Variants in ATAD3A observed in about 807,000 individuals in gnomAD.
ATAD3A encodes ATPase family AAA domain containing 3A, also known as ATPase family AAA domain-containing protein 3A.
Under a neutral mutation model 73.8 loss-of-function variants are expected in ATAD3A, and 46 were observed. The ratio of observed to expected loss-of-function variants is 0.62; its 90% CI spans 0.49 to 0.80. The LOEUF is 0.80. Among genes scored for constraint, ATAD3A ranks in the 30% least tolerant of loss-of-function variants. The pLI, the probability that ATAD3A is intolerant of heterozygous loss-of-function variation, is 0.00. For synonymous variants in ATAD3A, 319 were observed against 350.0 expected (o/e 0.91, Z 0.99); for missense variants, 705 against 838.0 (o/e 0.84, Z 1.96).
In ATAD3A at chr1:1,534,108, C is replaced by A. The variant is rs377549055; in HGVS notation, c.*36C>A. 7.5e-5 allele frequency: 121 copies of A among 1,613,094 alleles called. No homozygotes were observed. Among genetic ancestry groups the A allele is most frequent in the Non-Finnish European group, 9.1e-5 (107 of 1,179,756 alleles). ...AGATCCACAGCTCACGGAGCCTGGC[C>A]GCGGACCCCTCCCACCCCTGCCTTG... On this transcript the variant is annotated 3_prime_UTR_variant, in exon 16 of 16. Transcript: ENST00000378756.
chr1:1,518,686 CACA>C (rs1332322607), intron 4 of ATAD3A, among the ~76,000 whole-genome samples: 858 of 119,284 alleles, frequency 7.2e-3, no homozygotes, highest in East Asian at 0.018. Flanking sequence ...CACACACACA[CACA>C]CCCAAACGGG....
rs1480452066 is a variant in ATAD3A at position 1,523,931 on chromosome 1, G to A, written c.1056G>A (p.Gly352=). The change falls in exon 10 of 16, where the codon GGG becomes GGA. Residue 352 remains glycine (G), a synonymous_variant. Transcript: ENST00000378756. The surrounding 1 kb of genome is among the most constrained non-coding windows in gnomAD (Gnocchi z 5.1). ...TGTACAGGAACATCCTGATGTACGG[G>A]CCACCAGGCACCGGGAAGACGCTGT... ...RSLYRNILMY[G]PPGTGKTLFA... 2 of 1,614,036 alleles carry A rather than the reference G, an allele frequency of 1.2e-6. No homozygotes were observed. The highest frequency in any genetic ancestry group is 2.2e-5 in the South Asian group (2 of 91,088).
At chr1:1,528,613 G>T (rs1641929327) in intron 14 of ATAD3A, among the ~76,000 whole-genome samples, 2 of 152,258 alleles carry the variant, frequency 1.3e-5, no homozygotes, top group Admixed American at 1.3e-4. Context: ...CAGGTGATGA[G>T]GGGCCCTGGC....
chr1:1,530,313 T>G (rs1324892766), intron 15 of ATAD3A, among the ~76,000 whole-genome samples: 5 of 151,516 alleles, frequency 3.3e-5, no homozygotes, highest in Non-Finnish European at 4.4e-5. Context: ...CAAGTTAGAT[T>G]ATTTGAAGCC....
At chr1:1,515,787 A>G (rs1307025947) in intron 1 of ATAD3A, among the ~76,000 whole-genome samples, 1 of 152,216 alleles carries the variant, frequency 6.6e-6, no homozygotes, top group African/African-American at 2.4e-5. Context: ...GCTCTCCAAG[A>G]CCATCCCTGG....
Position 1,523,101 on chromosome 1 carries a change from C to T in ATAD3A, c.906+202C>T, listed in dbSNP as rs776500004. 2.2e-4 allele frequency among the ~76,000 whole-genome samples: 33 copies of T among 151,876 alleles called. No homozygotes were observed. Among genetic ancestry groups the T allele is most frequent in the South Asian group, 4.1e-4 (2 of 4,824 alleles). On this transcript the variant is annotated intron_variant, in intron 8 of 15. Transcript: ENST00000378756. This position sits in a 1 kb window ranked among gnomAD's most constrained non-coding sequence, Gnocchi z 5.1. Reference sequence around the variant, plus strand: ...AGTGAGACCCTTCCCCTGTCTGCCTCGGTGTCCCCTGCTCAGGGCTCTTGA... The same window carrying T: ...AGTGAGACCCTTCCCCTGTCTGCCTTGGTGTCCCCTGCTCAGGGCTCTTGA...
rs1482384578 is a variant in ATAD3A, at chr1:1,529,291, T to C, written c.1574T>C (p.Met525Thr). 1.2e-6 allele frequency: 2 copies of C among 1,606,258 alleles called. No individual in the cohort carries two copies. The highest frequency in any genetic ancestry group is 1.1e-5 in the South Asian group (1 of 89,862). Residue 525 changes from methionine (M) to threonine (T), a missense_variant, in exon 15 of 16, where the codon ATG (methionine) becomes ACG (threonine). This residue lies in a region of ATAD3A where 252 missense variants were observed against 278.5 expected (regional missense o/e 0.90). Transcript: ENST00000378756. Reference protein sequence around the residue: ...CSEVARLTEGMSGREIAQLAV... With the variant: ...CSEVARLTEGTSGREIAQLAV... ...GAGGTCGCTCGGCTGACGGAGGGCA[T>C]GTCGGGCCGGGAGATCGCTCAGCTG...
rs1437924357 is a variant in ATAD3A, at chr1:1,526,955, G to T, written c.1337+424G>T. 2.0e-5 allele frequency among the ~76,000 whole-genome samples: 3 copies of T among 152,262 alleles called. No individual in the cohort carries two copies. The East Asian group carries it at 5.8e-4, about 29-fold the overall frequency. ...AGTTGGACACCAGCAGGTCCTGTGT[G>T]TCGGGGCGGAACCTGGGACCTTGGT... On this transcript the variant is annotated intron_variant, in intron 13 of 15. Coordinates refer to ENST00000378756, the MANE Select transcript of ATAD3A (RefSeq NM_001170535.3).
rs369824674 is a variant in ATAD3A at position 1,515,222 on chromosome 1, G to A, written c.206-790G>A. Reference sequence around the variant, plus strand: ...CCTCAGAGTAGCTGGGATTACAGGCGTCCGCCACTGCGCCCAGCTAATTTT... The same window carrying A: ...CCTCAGAGTAGCTGGGATTACAGGCATCCGCCACTGCGCCCAGCTAATTTT... On this transcript the variant is annotated intron_variant, in intron 1 of 15. Transcript: ENST00000378756. Among the ~76,000 whole-genome samples, 6 of 152,088 alleles carry A rather than the reference G, an allele frequency of 3.9e-5. No homozygotes were observed. In the East Asian group the frequency reaches 9.6e-4, roughly 24 times the overall value.
chr1:1,533,854 C>T (rs535064633), intron 15 of ATAD3A, 72 bp from the exon 16 acceptor site: 41 of 1,547,836 alleles, frequency 2.6e-5, no homozygotes, highest in Middle Eastern at 2.1e-4. Context: ...CTCCCCACCT[C>T]GGGGCCCTGG....
chr1:1,519,181 C>T (rs2100654933), intron 5 of ATAD3A, among the ~76,000 whole-genome samples, 191 bp downstream of exon 5: 1 of 150,912 alleles, frequency 6.6e-6, no homozygotes, highest in African/African-American at 2.4e-5. Context: ...ACGCCAGGAT[C>T]TGTTCAGGGA....
chr1:1,514,424 C>T (rs1221264447), intron 1 of ATAD3A, among the ~76,000 whole-genome samples: 1 of 152,236 alleles, frequency 6.6e-6, no homozygotes, highest in African/African-American at 2.4e-5. Context: ...CAGCCCTTGG[C>T]TTCCCGAGCT....
intron 15 of ATAD3A, among the ~76,000 whole-genome samples, chr1:1,531,903 G>A (rs561084041): frequency 6.6e-6 from 1 of 151,380 alleles, no homozygotes; most frequent in East Asian, 2.0e-4. Flanking sequence ...TGCCCCCTTT[G>A]TCCTCCCAAA....
chr1:1,512,597 G>A (rs1452631419), intron 1 of ATAD3A, 124 bp downstream of exon 1: 3 of 1,407,348 alleles, frequency 2.1e-6, no homozygotes, highest in Non-Finnish European at 2.8e-6. Context: ...CTGCGCCCCC[G>A]GAGCACCCCC....
chr1:1,530,880 G>A lies in ATAD3A; in HGVS notation c.1614+1549G>A, dbSNP rs115729963. ...ACTAAGAATAATTTGGAACGAGTGC[G>A]GTGGCTCACTCCTGTAATCCCAGCA... On this transcript the variant is annotated intron_variant, in intron 15 of 15. Coordinates refer to ENST00000378756, the MANE Select transcript of ATAD3A (RefSeq NM_001170535.3). Among the ~76,000 whole-genome samples the A allele has an allele frequency of 5.0e-3, 725 of 145,642 alleles. 31 individuals are homozygous for A. Among genetic ancestry groups the A allele is most frequent in the African/African-American group, 0.018 (654 of 36,046 alleles).
chr1:1,528,879 A>C (rs1047567874), intron 14 of ATAD3A, among the ~76,000 whole-genome samples: 1 of 152,186 alleles, frequency 6.6e-6, no homozygotes, highest in African/African-American at 2.4e-5. Flanking sequence ...CCCTGGCACC[A>C]TGACTTGGCT....
chr1:1,527,992 T>A, intron 14 of ATAD3A, 130 bp downstream of exon 14: 2 of 1,184,902 alleles, frequency 1.7e-6, no homozygotes, highest in Non-Finnish European at 2.3e-6. Context: ...AAAGTCTCAT[T>A]CTTGTCGCCC....
In ATAD3A at chr1:1,533,962, G is replaced by C. The variant is rs368805470; in HGVS notation, c.1651G>C (p.Glu551Gln). Reference sequence around the variant, plus strand: ...TGCCTCCGAGGACGGGGTCCTGACCGAGGCCATGATGGACACCCGCGTGCA... The same window carrying C: ...TGCCTCCGAGGACGGGGTCCTGACCCAGGCCATGATGGACACCCGCGTGCA... ...AYASEDGVLT[E>Q]AMMDTRVQDA... Residue 551 changes from glutamate (E) to glutamine (Q), a missense_variant, in exon 16 of 16, where the codon GAG (glutamate) becomes CAG (glutamine). Around this residue, in one of 5 missense-constraint regions of ATAD3A, gnomAD observed 252 missense variants for 278.5 expected, o/e 0.90. Transcript: ENST00000378756. The C allele has an allele frequency of 1.2e-5, 20 of 1,613,268 alleles. No homozygotes were observed. In the Admixed American group the frequency reaches 2.7e-4, roughly 22 times the overall value.
intron 12 of ATAD3A, 30 bp from the exon 13 acceptor site, chr1:1,526,431 G>A (rs753553276): frequency 6.7e-5 from 107 of 1,590,898 alleles, no homozygotes; most frequent in Non-Finnish European, 8.9e-5. Flanking sequence ...TTTGCTCCTG[G>A]TGCCTAAGGC....
Sources: gnomAD v4.1 joint callset for allele counts (sites outside exome capture counted in the v4.1 genomes callset) on GRCh38, gnomAD v4.1.1 for gene constraint, gnomAD v4.1.1 regional missense constraint, Gnocchi (gnomAD v3.1) non-coding constraint, MANE v1.5 for transcripts, NCBI Gene and HGNC (gene_info 2026-07-23, HGNC 2026-07-21) for gene names.